The following INO80 variants were observed in gnomAD, a reference collection of about 807,000 sequenced individuals.
The protein encoded by INO80 is chromatin-remodeling ATPase INO80.
In INO80, 20 loss-of-function variants were observed where a neutral mutation model predicts 203.4. The ratio of observed to expected loss-of-function variants is 0.10; its 90% CI spans 0.07 to 0.14. INO80 has a LOEUF of 0.14. INO80 is among the 10% of genes least tolerant of loss of function. The pLI is 1.00. For missense variants in INO80, 1,419 were observed against 1,914.4 expected (o/e 0.74, Z 4.83); for synonymous variants, 726 against 685.2 (o/e 1.06, Z -0.93).
At chr15:41,051,172 T>TACTGTCTG (rs2140532956) in intron 19 of INO80, among the ~76,000 whole-genome samples, 1 of 144,944 alleles carries the variant, frequency 6.9e-6, no homozygotes, top group Admixed American at 6.9e-5. Flanking sequence ...AAACCTACCT[T>TACTGTCTG]ACTGTCTGAG....
At chr15:41,003,803 T>C (rs1352789912) in intron 28 of INO80, among the ~76,000 whole-genome samples, 7 of 152,178 alleles carry the variant, frequency 4.6e-5, no homozygotes, top group Non-Finnish European at 8.8e-5. Flanking sequence ...GTGAAATACC[T>C]ATTACTTAAT....
chr15:41,112,752 C>A (rs1450558848), intron 1 of INO80, among the ~76,000 whole-genome samples: 1 of 112,808 alleles, frequency 8.9e-6, no homozygotes, highest in African/African-American at 3.4e-5. Context: ...CGTGCCACTG[C>A]ATTCCAGCCT....
In INO80 at chr15:40,979,709, T is replaced by C. The variant is rs1179283098; in HGVS notation, c.*514A>G. The C allele has an allele frequency of 1.8e-5, 3 of 168,826 alleles. No homozygotes were observed. Among genetic ancestry groups the C allele is most frequent in the African/African-American group, 7.2e-5 (3 of 41,736 alleles). 10.5% of individuals were successfully genotyped at this position (168,826 alleles called of 1,614,324 possible). A position where few individuals can be genotyped will look rare whatever the true frequency, so the allele number is the denominator to read the frequency against. Reference sequence around the variant, plus strand: ...CTCTCGCAGTCACTGCTCTCTCCAATGATGACACTCTGGGGTTCAGAGACC... The same window carrying C: ...CTCTCGCAGTCACTGCTCTCTCCAACGATGACACTCTGGGGTTCAGAGACC... On this transcript the variant is annotated 3_prime_UTR_variant, in exon 36 of 36. Transcript: ENST00000648947.
In INO80 at chr15:40,985,397, G is replaced by C; in HGVS notation, c.3862C>G (p.Gln1288Glu). The change falls in exon 32 of 36, where the codon CAG becomes GAG. Residue 1288 changes from glutamine (Q) to glutamate (E), a missense_variant. By Grantham distance (29) the Gln-to-Glu change is conservative. Coordinates refer to ENST00000648947, the MANE Select transcript of INO80 (RefSeq NM_017553.3). Reference protein sequence around the residue: ...LRLRQEEKRQQEETNRVKERK... With the variant: ...LRLRQEEKRQEEETNRVKERK... ...TCTTTCACTCGGTTGGTTTCCTCCT[G>C]TTGCCGTTTCTCTTCCTGCCGCAGC... 3.1e-6 allele frequency: 5 copies of C among 1,613,860 alleles called. No individual in the cohort carries two copies. The highest frequency in any genetic ancestry group is 4.2e-6 in the Non-Finnish European group (5 of 1,179,900).
At chr15:41,099,237 CAAAAAAAAAAA>C (rs71104771) in intron 1 of INO80, among the ~76,000 whole-genome samples, 29 of 21,076 alleles carry the variant, frequency 1.4e-3, no homozygotes, top group East Asian at 0.014. Flanking sequence ...GACCCTGTCT[CAAAAAAAAAAA>C]AAAAAAAAAA....
chr15:41,033,259 C>T (rs759574011), intron 24 of INO80, among the ~76,000 whole-genome samples: 3 of 151,956 alleles, frequency 2.0e-5, no homozygotes, highest in East Asian at 1.9e-4. Flanking sequence ...GGCATATTTA[C>T]GACAGGCTCT....
At chr15:41,026,247 T>A (rs944909016) in intron 25 of INO80, among the ~76,000 whole-genome samples, 13 of 152,082 alleles carry the variant, frequency 8.5e-5, no homozygotes, top group Non-Finnish European at 5.9e-5. Flanking sequence ...GGCTCCTTCT[T>A]CTTTTAATAG....
At chr15:40,996,563 A>G (rs986138229) in intron 29 of INO80, among the ~76,000 whole-genome samples, 1 of 151,514 alleles carries the variant, frequency 6.6e-6, no homozygotes, top group Non-Finnish European at 1.5e-5. Context: ...TGACCTGGTG[A>G]TCCACCCGCC....
Position 40,980,022 on chromosome 15 carries a change from C to T in INO80, c.*201G>A. 1.7e-6 allele frequency: 1 copy of T among 593,400 alleles called. No homozygotes were observed. The highest frequency in any genetic ancestry group is 3.0e-6 in the Non-Finnish European group (1 of 333,008). The allele number at this position is 593,400 out of a possible 1,614,324, so 36.8% of individuals were successfully genotyped here. A position where few individuals can be genotyped will look rare whatever the true frequency, so the allele number is the denominator to read the frequency against. On this transcript the variant is annotated 3_prime_UTR_variant, in exon 36 of 36. Coordinates refer to ENST00000648947, the MANE Select transcript of INO80 (RefSeq NM_017553.3). Reference sequence around the variant, plus strand: ...TGATCCATGCCCTGTGGCCTTCCTCCTACAGGCACCCCAGATGCTCCTGAT... The same window carrying T: ...TGATCCATGCCCTGTGGCCTTCCTCTTACAGGCACCCCAGATGCTCCTGAT...
In INO80 at chr15:40,988,010, G is replaced by C. The variant is rs16971264; in HGVS notation, c.3571-36C>G. 8,968 of 1,572,212 alleles carry C rather than the reference G, an allele frequency of 5.7e-3. 438 individuals are homozygous for C. The African/African-American group carries it at 0.11, about 19-fold the overall frequency. On this transcript the variant is annotated intron_variant, in intron 29 of 35. Transcript: ENST00000648947. ...TATAGCAAAAACTGAAGCACTCTTAGGGAAGGACCAGAAATTCTGAGAGCA... is the reference window on the plus strand; with the variant it reads ...TATAGCAAAAACTGAAGCACTCTTACGGAAGGACCAGAAATTCTGAGAGCA...
intron 9 of INO80, among the ~76,000 whole-genome samples, chr15:41,075,537 C>T (rs1004595914): frequency 6.6e-6 from 1 of 152,190 alleles, no homozygotes; most frequent in Middle Eastern, 3.2e-3. Context: ...TAACTGCAAG[C>T]ACTGCCTCCT....
At chr15:41,048,316 T>C in intron 21 of INO80, 40 bp from the exon 22 acceptor site, 1 of 1,486,490 alleles carries the variant, frequency 6.7e-7, no homozygotes, top group Non-Finnish European at 9.4e-7. Context: ...AACCCAAACA[T>C]AAATAATGGA....
At chr15:41,102,924 G>C (rs1274049811) in intron 1 of INO80, among the ~76,000 whole-genome samples, 1 of 152,070 alleles carries the variant, frequency 6.6e-6, no homozygotes, top group Admixed American at 6.6e-5. Flanking sequence ...CTACGCCTTA[G>C]AAAATCTCAT....
At chr15:41,027,880 T>C in intron 24 of INO80, 144 bp from the exon 25 acceptor site, 3 of 565,826 alleles carry the variant, frequency 5.3e-6, no homozygotes, top group Non-Finnish European at 9.2e-6. Flanking sequence ...AACCACTAAT[T>C]AGAACCAAGT....
intron 14 of INO80, among the ~76,000 whole-genome samples, chr15:41,064,551 G>A (rs1240002002): frequency 1.3e-5 from 2 of 152,140 alleles, no homozygotes; most frequent in African/African-American, 4.8e-5. Context: ...ATGGAAGTTA[G>A]AGATTATGAT....
chr15:40,983,601 C>T (rs935978281), intron 34 of INO80, among the ~76,000 whole-genome samples, 161 bp downstream of exon 34: 5 of 151,332 alleles, frequency 3.3e-5, no homozygotes, highest in Non-Finnish European at 7.4e-5. Flanking sequence ...TATAAAGTTA[C>T]TTATTTTGCT....
At chr15:41,095,695 A>G (rs2045712845) in intron 3 of INO80, 27 bp from the exon 4 acceptor site, 4 of 1,608,838 alleles carry the variant, frequency 2.5e-6, no homozygotes, top group Non-Finnish European at 3.4e-6. Context: ...AAAGAATAAA[A>G]AAATTAAAGG....
chr15:41,060,916 A>G (rs2045093134), intron 14 of INO80, among the ~76,000 whole-genome samples: 1 of 152,238 alleles, frequency 6.6e-6, no homozygotes, highest in South Asian at 2.1e-4. Context: ...GCATTAAAAA[A>G]TAACCAGACA....
intron 11 of INO80, 145 bp downstream of exon 11, chr15:41,073,283 A>G: frequency 1.5e-6 from 1 of 668,296 alleles, no homozygotes; most frequent in South Asian, 1.9e-5. Context: ...CACCCCCTAC[A>G]CACAGCTACT....
Sources: gnomAD v4.1 joint callset for allele counts (sites outside exome capture counted in the v4.1 genomes callset) on GRCh38, gnomAD v4.1.1 for gene constraint, MANE v1.5 for transcripts, NCBI Gene and HGNC (gene_info 2026-07-23, HGNC 2026-07-21) for gene names.